CSMD1: variants seen among roughly 807,000 people sequenced by gnomAD.
CSMD1 encodes CUB and Sushi multiple domains 1.
CSMD1 carries 213 observed loss-of-function variants against 417.5 expected under a neutral mutation model. The ratio of observed to expected loss-of-function variants is 0.51; its 90% confidence interval spans 0.46 to 0.57. CSMD1 has a LOEUF of 0.57. Ranked by LOEUF, CSMD1 falls within the 20% of genes least tolerant of loss-of-function variation. CSMD1 has a pLI of 0.00. For synonymous variants in CSMD1, 2,862 were observed against 1,736.8 expected, an observed-to-expected ratio of 1.65 and a Z score of -16.11; for missense variants, 6,923 against 4,529.7, an observed-to-expected ratio of 1.53 and a Z score of -15.17.
intron 1 of CSMD1, among the ~76,000 whole-genome samples, chr8:4,773,696 C>T (rs971642793): frequency 7.2e-5 from 11 of 152,128 alleles, no homozygotes; most frequent in African/African-American, 1.9e-4. Context: ...GCACGCCACG[C>T]TAGTGTATAA....
intron 3 of CSMD1, among the ~76,000 whole-genome samples, chr8:4,321,573 G>T (rs904108691): frequency 6.6e-6 from 1 of 152,052 alleles, no homozygotes; most frequent in Admixed American, 6.6e-5. Context: ...ACAATAAATG[G>T]TGTGAGTATC....
intron 5 of CSMD1, among the ~76,000 whole-genome samples, chr8:3,980,137 G>A (rs1051708278): frequency 1.3e-5 from 2 of 152,142 alleles, no homozygotes; most frequent in African/African-American, 2.4e-5. Flanking sequence ...ATTGTATAGT[G>A]CTGTACGGTT....
chr8:2,957,635 C>T (rs985556725), intron 63 of CSMD1, 61 bp downstream of exon 63: 17 of 1,066,810 alleles, frequency 1.6e-5, no homozygotes, highest in Middle Eastern at 2.0e-4. Flanking sequence ...GTGGTAAACA[C>T]GTCTCAGACA....
chr8:4,458,909 A>T (rs1392851362), intron 2 of CSMD1, among the ~76,000 whole-genome samples: 1 of 152,222 alleles, frequency 6.6e-6, no homozygotes, highest in Non-Finnish European at 1.5e-5. Context: ...AGAATGTATT[A>T]AAAATATTTA....
chr8:4,453,064 G>A (rs929307247), intron 2 of CSMD1, among the ~76,000 whole-genome samples: 3 of 152,154 alleles, frequency 2.0e-5, no homozygotes, highest in Admixed American at 6.5e-5. Flanking sequence ...CTAGGACCAT[G>A]AATGGTGATA....
intron 7 of CSMD1, among the ~76,000 whole-genome samples, chr8:3,665,236 G>C (rs997324903): frequency 3.3e-5 from 5 of 152,100 alleles, no homozygotes; most frequent in African/African-American, 7.2e-5. Context: ...AATATAATTT[G>C]TCAGCCAGGC....
chr8:4,613,175 A>G (rs1365591866), intron 2 of CSMD1, among the ~76,000 whole-genome samples: 3 of 152,192 alleles, frequency 2.0e-5, no homozygotes, highest in South Asian at 4.1e-4. Context: ...GAACAATTCT[A>G]ATTCATTTAA....
At chr8:4,848,372 A>G (rs1280726663) in intron 1 of CSMD1, among the ~76,000 whole-genome samples, 1 of 152,178 alleles carries the variant, frequency 6.6e-6, no homozygotes, top group East Asian at 1.9e-4. Flanking sequence ...TGGTCACGTA[A>G]GATTATAGTG....
At chr8:3,635,768 C>A (rs1222357777) in intron 7 of CSMD1, among the ~76,000 whole-genome samples, 7 of 142,176 alleles carry the variant, frequency 4.9e-5, no homozygotes, top group Admixed American at 1.4e-4. Context: ...CAGGTATGAA[C>A]CTCTGCGCCC....
intron 2 of CSMD1, among the ~76,000 whole-genome samples, chr8:4,453,618 G>A (rs935379364): frequency 1.3e-5 from 2 of 152,036 alleles, no homozygotes; most frequent in African/African-American, 4.8e-5. Flanking sequence ...GCACAGTGCT[G>A]AGAAATGTAT....
intron 5 of CSMD1, among the ~76,000 whole-genome samples, chr8:3,915,800 A>C (rs895172722): frequency 6.8e-6 from 1 of 146,762 alleles, no homozygotes; most frequent in Non-Finnish European, 1.5e-5. Context: ...CAATTTTATT[A>C]CCTTTATCTA....
chr8:3,968,837 G>C (rs187732905), intron 5 of CSMD1, among the ~76,000 whole-genome samples: 1 of 152,154 alleles, frequency 6.6e-6, no homozygotes, highest in South Asian at 2.1e-4. Flanking sequence ...GACAAGATTT[G>C]GCTGCTGGTT....
chr8:4,183,271 C>T (rs1465907183), intron 3 of CSMD1, among the ~76,000 whole-genome samples: 7 of 152,080 alleles, frequency 4.6e-5, no homozygotes, highest in Admixed American at 1.3e-4. Flanking sequence ...AAATTTAATT[C>T]TGTAAAAAAA....
At chr8:4,660,914 G>C (rs1421216168) in intron 1 of CSMD1, among the ~76,000 whole-genome samples, 2 of 152,078 alleles carry the variant, frequency 1.3e-5, no homozygotes, top group African/African-American at 4.8e-5. Flanking sequence ...ACTACAATGA[G>C]ATATCACTTC....
At chr8:3,663,266 T>C (rs1336654646) in intron 7 of CSMD1, among the ~76,000 whole-genome samples, 3 of 152,182 alleles carry the variant, frequency 2.0e-5, no homozygotes, top group African/African-American at 7.2e-5. Flanking sequence ...GAGAGAGTGC[T>C]GATACTACTG....
intron 6 of CSMD1, among the ~76,000 whole-genome samples, chr8:3,711,551 T>C (rs1385855021): frequency 3.9e-5 from 6 of 152,194 alleles, no homozygotes; most frequent in Non-Finnish European, 8.8e-5. Flanking sequence ...CCTGGCGTCT[T>C]CCTCCTCTTC....
chr8:3,186,911 T>C (rs1165895925), intron 36 of CSMD1, among the ~76,000 whole-genome samples: 1 of 152,340 alleles, frequency 6.6e-6, no homozygotes, highest in East Asian at 1.9e-4. Context: ...TTGGCTACTT[T>C]TGGTAATTTT....
intron 2 of CSMD1, among the ~76,000 whole-genome samples, chr8:4,593,223 G>C (rs1425811721): frequency 6.6e-6 from 1 of 152,188 alleles, no homozygotes; most frequent in Non-Finnish European, 1.5e-5. Context: ...TGCTGCTGCT[G>C]AAAAGCAAGG....
intron 4 of CSMD1, among the ~76,000 whole-genome samples, chr8:4,010,299 C>G (rs1194233694): frequency 2.0e-5 from 3 of 152,214 alleles, no homozygotes; most frequent in African/African-American, 7.2e-5. Context: ...CCATAATAAT[C>G]TGGCACCCTC....
Sources: allele counts gnomAD v4.1 joint callset (sites outside exome capture counted in the v4.1 genomes callset), GRCh38; gene constraint gnomAD v4.1.1; transcripts MANE v1.5; gene names NCBI Gene and HGNC (gene_info 2026-07-23, HGNC 2026-07-21).